Variants in IL1RAPL2 observed in about 807,000 individuals in gnomAD.
IL1RAPL2 encodes the protein interleukin 1 receptor accessory protein like 2.
In IL1RAPL2, 3 loss-of-function variants were observed where a neutral mutation model predicts 44.1. That is an observed-to-expected ratio of 0.07 (90% confidence interval 0.03 to 0.18). The LOEUF is 0.18. IL1RAPL2 is among the 10% of genes least tolerant of loss of function. The probability of loss-of-function intolerance (pLI) is 1.00; values close to 1 mark genes in which losing one functional copy is unlikely to be tolerated. For missense variants in IL1RAPL2, 391 were observed against 496.4 expected, an observed-to-expected ratio of 0.79 and a Z score of 2.02; for synonymous variants, 181 against 178.8, an observed-to-expected ratio of 1.01 and a Z score of -0.10.
At chrX:105,315,578 G>GTGTATATATATATATATATATATATATA (rs1433365173) in intron 5 of IL1RAPL2, among the ~76,000 whole-genome samples, 1 of 21,815 alleles carries the variant, frequency 4.6e-5, no homozygotes, top group African/African-American at 7.4e-5. Context: ...ACTAATGGAT[G>GTGTATATATATATATATATATATATATA]TATATATATA....
At chrX:105,668,060 G>C (rs1202728773) in intron 6 of IL1RAPL2, among the ~76,000 whole-genome samples, 1 of 101,557 alleles carries the variant, frequency 9.8e-6, no homozygotes, top group East Asian at 3.4e-4. Context: ...TGGGGTGGGG[G>C]GAATGGGTTG....
At chrX:105,374,115 C>CAAAAAAAAAAAAAAA (rs1177602549) in intron 5 of IL1RAPL2, among the ~76,000 whole-genome samples, 1 of 45,363 alleles carries the variant, frequency 2.2e-5, no homozygotes, top group Non-Finnish European at 5.5e-5. Flanking sequence ...GCAAGACTGT[C>CAAAAAAAAAAAAAAA]AAAAAAAAAA....
chrX:105,733,493 T>C (rs1322026744), intron 7 of IL1RAPL2, among the ~76,000 whole-genome samples: 4 of 111,613 alleles, frequency 3.6e-5, no homozygotes, highest in Non-Finnish European at 7.5e-5. Context: ...ATTTATTATA[T>C]GCATATTACT....
chrX:105,082,406 T>C (rs112559053), intron 2 of IL1RAPL2, among the ~76,000 whole-genome samples: 2,641 of 111,574 alleles, frequency 0.024, 66 homozygotes, highest in African/African-American at 0.082. Context: ...ATTTTGTTGA[T>C]CTTTTCAAAA....
At chrX:105,069,601 T>G (rs967624978) in intron 2 of IL1RAPL2, among the ~76,000 whole-genome samples, 2 of 112,400 alleles carry the variant, frequency 1.8e-5, no homozygotes, top group Non-Finnish European at 3.8e-5. Flanking sequence ...CTATATTTCA[T>G]TTTTATACAA....
chrX:105,748,916 T>C, intron 8 of IL1RAPL2, 44 bp from the exon 9 acceptor site: 2 of 1,159,563 alleles, frequency 1.7e-6, no homozygotes, highest in East Asian at 3.0e-5. Flanking sequence ...ATCCCAAGTG[T>C]TGCTGATTTA....
chrX:104,910,075 G>T (rs1924182678), intron 2 of IL1RAPL2, among the ~76,000 whole-genome samples: 1 of 112,329 alleles, frequency 8.9e-6, no homozygotes, highest in African/African-American at 3.2e-5. Context: ...TTTTAAGCCT[G>T]TCGGAAAAGC....
chrX:105,348,163 A>G (rs2035125207), intron 5 of IL1RAPL2, among the ~76,000 whole-genome samples: 1 of 111,762 alleles, frequency 8.9e-6, no homozygotes, highest in Admixed American at 9.6e-5. Context: ...GGGCCTTAAT[A>G]TATCTCTGAA....
chrX:105,618,248 G>C (rs2147829969), intron 6 of IL1RAPL2, among the ~76,000 whole-genome samples: 1 of 109,265 alleles, frequency 9.2e-6, no homozygotes, highest in Non-Finnish European at 1.9e-5. Flanking sequence ...CCACACAGAG[G>C]GGAACAACAG....
chrX:104,839,209 G>C (rs1157974716), intron 2 of IL1RAPL2, among the ~76,000 whole-genome samples: 1 of 110,479 alleles, frequency 9.1e-6, no homozygotes, highest in Non-Finnish European at 1.9e-5. Context: ...ATTGGCTATG[G>C]ATTTATCATA....
intron 5 of IL1RAPL2, chrX:105,406,468 T>G: frequency 1.7e-6 from 2 of 1,198,410 alleles, no homozygotes; most frequent in Non-Finnish European, 2.3e-6. Context: ...CGGAGGATCA[T>G]TCACCAATAT....
intron 6 of IL1RAPL2, among the ~76,000 whole-genome samples, chrX:105,536,003 A>C (rs1227895351): frequency 1.8e-5 from 2 of 111,841 alleles, no homozygotes; most frequent in African/African-American, 3.2e-5. Flanking sequence ...AAAATACAAA[A>C]CCCTAAAAAG....
At chrX:104,981,085 GTGTGTT>G (rs1440468256) in intron 2 of IL1RAPL2, among the ~76,000 whole-genome samples, 5 of 81,707 alleles carry the variant, frequency 6.1e-5, no homozygotes, top group Non-Finnish European at 1.0e-4. Context: ...GTGTGTGTGT[GTGTGTT>G]TGTGTGTGTG....
chrX:104,577,697 A>G (rs1294276379), intron 1 of IL1RAPL2, among the ~76,000 whole-genome samples: 2 of 111,211 alleles, frequency 1.8e-5, no homozygotes, highest in African/African-American at 6.6e-5. Context: ...TGAGGAGGAC[A>G]CAAGAGCAGG....
intron 1 of IL1RAPL2, among the ~76,000 whole-genome samples, chrX:104,632,712 A>T (rs1467580147): frequency 2.8e-5 from 3 of 108,504 alleles, no homozygotes; most frequent in Admixed American, 2.0e-4. Context: ...GACTTTGCTG[A>T]AGTTGCCTAT....
chrX:105,453,758 G>T (rs961995357), intron 5 of IL1RAPL2, among the ~76,000 whole-genome samples: 1 of 111,970 alleles, frequency 8.9e-6, no homozygotes, highest in Non-Finnish European at 1.9e-5. Flanking sequence ...CCTTCATGGT[G>T]TGTATATATG....
chrX:105,454,995 G>A (rs1362692149), intron 5 of IL1RAPL2, among the ~76,000 whole-genome samples: 1 of 111,149 alleles, frequency 9.0e-6, no homozygotes, highest in African/African-American at 3.3e-5. Context: ...CTCCACTAGT[G>A]GGACTCACCC....
chrX:104,808,066 C>A (rs995235709), intron 2 of IL1RAPL2, among the ~76,000 whole-genome samples: 2 of 111,705 alleles, frequency 1.8e-5, no homozygotes, highest in African/African-American at 3.2e-5. Flanking sequence ...TATGAGGCAA[C>A]AATTAAATCT....
intron 2 of IL1RAPL2, among the ~76,000 whole-genome samples, chrX:104,726,252 A>G (rs1323276824): frequency 9.0e-6 from 1 of 111,647 alleles, no homozygotes; most frequent in Admixed American, 9.5e-5. Context: ...CTGTTTTGGT[A>G]CCAGTAACAT....
Sources: gnomAD v4.1 joint callset for allele counts (sites outside exome capture counted in the v4.1 genomes callset) on GRCh38, gnomAD v4.1.1 for gene constraint, MANE v1.5 for transcripts, NCBI Gene and HGNC (gene_info 2026-07-23, HGNC 2026-07-21) for gene names.